SPATA6: variants seen among roughly 807,000 people sequenced by gnomAD.
The protein encoded by SPATA6 is spermatogenesis-associated protein 6.
SPATA6 carries 56 observed loss-of-function variants against 65.3 expected under a neutral mutation model. That is an observed-to-expected ratio of 0.86 (90% confidence interval 0.69 to 1.07). The LOEUF (loss-of-function observed/expected upper bound fraction) is 1.07. Among genes scored for constraint, SPATA6 ranks in the 50% least tolerant of loss-of-function variants. SPATA6 has a pLI of 0.00. For missense variants in SPATA6, 590 were observed against 594.8 expected, an observed-to-expected ratio of 0.99 and a Z score of 0.08; for synonymous variants, 199 against 213.2, an observed-to-expected ratio of 0.93 and a Z score of 0.58.
intron 5 of SPATA6, among the ~76,000 whole-genome samples, chr1:48,407,170 T>C (rs541909299): frequency 3.8e-4 from 58 of 152,306 alleles, no homozygotes; most frequent in African/African-American, 1.3e-3. Context: ...AGTGAACCCA[T>C]AGGAGTCCTA....
intron 5 of SPATA6, among the ~76,000 whole-genome samples, chr1:48,407,975 C>T (rs1249987689): frequency 6.6e-6 from 1 of 152,100 alleles, no homozygotes; most frequent in African/African-American, 2.4e-5. Context: ...ATTATTTGTT[C>T]ATTGTATGTT....
intron 1 of SPATA6, among the ~76,000 whole-genome samples, chr1:48,462,701 G>C (rs984208126): frequency 2.6e-5 from 4 of 152,118 alleles, no homozygotes; most frequent in African/African-American, 9.7e-5. Context: ...ACAACAATTG[G>C]ATAAGTATCA....
the SPATA6 span, among the ~76,000 whole-genome samples, chr1:48,275,108 A>T: frequency 9.9e-5 from 15 of 152,154 alleles, no homozygotes; most frequent in Non-Finnish European, 1.9e-4. Flanking sequence ...GCAATTGTGA[A>T]TGGGAGTTCA....
intron 11 of SPATA6, among the ~76,000 whole-genome samples, chr1:48,334,722 A>G (rs1008822286): frequency 3.9e-5 from 6 of 152,212 alleles, no homozygotes; most frequent in Non-Finnish European, 7.3e-5. Flanking sequence ...GAAAATCGGC[A>G]TAAGACAAGG....
chr1:48,416,902 T>G (rs1412866875), intron 3 of SPATA6, among the ~76,000 whole-genome samples: 1 of 152,232 alleles, frequency 6.6e-6, no homozygotes, highest in Non-Finnish European at 1.5e-5. Flanking sequence ...CCACTATTTA[T>G]GCTTTTAAAA....
intron 9 of SPATA6, among the ~76,000 whole-genome samples, chr1:48,367,558 C>G (rs1010332668): frequency 2.0e-5 from 3 of 152,170 alleles, no homozygotes; most frequent in Non-Finnish European, 4.4e-5. Context: ...TAATGGCCTT[C>G]TTTGTCTCTT....
the SPATA6 span, among the ~76,000 whole-genome samples, chr1:48,289,956 A>G: frequency 7.2e-5 from 11 of 152,218 alleles, 1 homozygote; most frequent in Non-Finnish European, 1.6e-4. Context: ...AACTTCCCCA[A>G]CCTAGCAAGG....
At chr1:48,441,410 G>C (rs1655461442) in intron 3 of SPATA6, among the ~76,000 whole-genome samples, 1 of 152,214 alleles carries the variant, frequency 6.6e-6, no homozygotes, top group Admixed American at 6.5e-5. Context: ...TTGTAATTGG[G>C]AGACTTTGCT....
intron 5 of SPATA6, among the ~76,000 whole-genome samples, chr1:48,405,458 C>T (rs966772402): frequency 6.6e-6 from 1 of 152,176 alleles, no homozygotes; most frequent in Non-Finnish European, 1.5e-5. Flanking sequence ...GTCAAGATGT[C>T]ATTTAGGCTG....
the SPATA6 span, among the ~76,000 whole-genome samples, chr1:48,277,099 CT>C: frequency 7.1e-3 from 895 of 126,210 alleles, 4 homozygotes; most frequent in East Asian, 0.02. Context: ...TTGTTTTTTG[CT>C]TTTTTTTTTT....
At chr1:48,465,984 A>G (rs1657778508) in intron 1 of SPATA6, among the ~76,000 whole-genome samples, 1 of 152,134 alleles carries the variant, frequency 6.6e-6, no homozygotes, top group South Asian at 2.1e-4. Context: ...TACATATTCA[A>G]TGAGACATTC....
At chr1:48,362,344 T>G (rs1393991684) in intron 9 of SPATA6, among the ~76,000 whole-genome samples, 1 of 152,132 alleles carries the variant, frequency 6.6e-6, no homozygotes, top group Non-Finnish European at 1.5e-5. Context: ...TACGAACCAA[T>G]TGGCCTGGAT....
chr1:48,312,392 G>C (rs1012430942), intron 11 of SPATA6, among the ~76,000 whole-genome samples: 1 of 152,134 alleles, frequency 6.6e-6, no homozygotes, highest in African/African-American at 2.4e-5. Flanking sequence ...TGTTCACCAA[G>C]ATCCGCTGTT....
intron 9 of SPATA6, among the ~76,000 whole-genome samples, chr1:48,363,974 C>A (rs1420285204): frequency 6.6e-6 from 1 of 151,962 alleles, no homozygotes; most frequent in Non-Finnish European, 1.5e-5. Flanking sequence ...ACAACAGTCC[C>A]CAGAGTGTGA....
the SPATA6 span, among the ~76,000 whole-genome samples, chr1:48,281,017 G>C: frequency 6.6e-6 from 1 of 150,998 alleles, no homozygotes; most frequent in Non-Finnish European, 1.5e-5. Flanking sequence ...TGGGATGCAA[G>C]GCTGGTTCAA....
chr1:48,276,101 C>A, the SPATA6 span, among the ~76,000 whole-genome samples: 2 of 152,206 alleles, frequency 1.3e-5, no homozygotes, highest in South Asian at 4.1e-4. Context: ...ATTTCTTCTA[C>A]ATTTTCTAGT....
intron 11 of SPATA6, among the ~76,000 whole-genome samples, chr1:48,313,665 T>A (rs1292629435): frequency 2.0e-5 from 3 of 152,038 alleles, no homozygotes; most frequent in Admixed American, 6.5e-5. Flanking sequence ...GATAACATCA[T>A]AATGACAGGA....
intron 11 of SPATA6, among the ~76,000 whole-genome samples, chr1:48,306,932 T>A (rs1242740253): frequency 6.6e-6 from 1 of 151,918 alleles, no homozygotes; most frequent in African/African-American, 2.4e-5. Flanking sequence ...TTATTTGGTC[T>A]ACTATTCATA....
chr1:48,317,624 A>G (rs1000942964), intron 11 of SPATA6, among the ~76,000 whole-genome samples: 6 of 152,152 alleles, frequency 3.9e-5, no homozygotes, highest in Non-Finnish European at 8.8e-5. Flanking sequence ...ACATGTATAT[A>G]TATGTAACAA....
Sources: allele counts gnomAD v4.1 joint callset (sites outside exome capture counted in the v4.1 genomes callset), GRCh38; gene constraint gnomAD v4.1.1; transcripts MANE v1.5; gene names NCBI Gene and HGNC (gene_info 2026-07-23, HGNC 2026-07-21).